The following PRKN variants were observed in gnomAD, a reference collection of about 807,000 sequenced individuals.
PRKN encodes the protein parkin RBR E3 ubiquitin protein ligase, also known as E3 ubiquitin-protein ligase parkin.
In PRKN, 56 loss-of-function variants were observed where a neutral mutation model predicts 59.5. The ratio of observed to expected loss-of-function variants is 0.94; its 90% CI spans 0.76 to 1.18. PRKN has a LOEUF of 1.18. Among genes scored for constraint, PRKN ranks in the 50% most tolerant of loss-of-function variants. The pLI is 0.00. For synonymous variants in PRKN, 250 were observed against 222.1 expected (o/e 1.13, Z -1.12); for missense variants, 657 against 596.4 (o/e 1.10, Z -1.06).
rs964674899 is a variant in PRKN at position 161,538,007 on chromosome 6, T to A, written c.1083+10847A>T. Among the ~76,000 whole-genome samples, 6 of 152,196 alleles carry A rather than the reference T, an allele frequency of 3.9e-5. No homozygotes were observed. The highest frequency in any genetic ancestry group is 4.4e-5 in the Non-Finnish European group (3 of 68,038). Reference sequence around the variant, plus strand: ...CTGGTCAATAACCAACACGGCTTTGTGAAGAAAAATGTGATGTGTGTCAGG... The same window carrying A: ...CTGGTCAATAACCAACACGGCTTTGAGAAGAAAAATGTGATGTGTGTCAGG... On this transcript the variant is annotated intron_variant, in intron 9 of 11. Transcript: ENST00000366898. This position sits in a 1 kb window ranked among gnomAD's most constrained non-coding sequence, Gnocchi z 4.2.
chr6:162,495,864 G>C lies in PRKN; in HGVS notation c.8-52391C>G, dbSNP rs116586783. On this transcript the variant is annotated intron_variant, in intron 1 of 11. Coordinates refer to ENST00000366898, the MANE Select transcript of PRKN (RefSeq NM_004562.3). ...CAGCCTGTGACACAGCCGGTCCGGG[G>C]TCACCAACTCCTGCCCCCTTTCCAT... Among the ~76,000 whole-genome samples the C allele has an allele frequency of 5.1e-3, 779 of 152,210 alleles. 7 individuals are homozygous for C. The highest frequency in any genetic ancestry group is 0.018 in the African/African-American group (746 of 41,542).
rs142138526 is a variant in PRKN, at chr6:162,673,166, T to A, written c.7+54496A>T. 2.9e-3 allele frequency among the ~76,000 whole-genome samples: 444 copies of A among 152,330 alleles called. 3 individuals carry two copies. Among genetic ancestry groups the A allele is most frequent in the African/African-American group, 0.01 (435 of 41,580 alleles). On this transcript the variant is annotated intron_variant, in intron 1 of 11. Transcript: ENST00000366898. ...TTTGAAAAAGAGTTCCCAGAATATTTGCAAATTAATCTGTAAACACTGAAT... is the reference window on the plus strand; with the variant it reads ...TTTGAAAAAGAGTTCCCAGAATATTAGCAAATTAATCTGTAAACACTGAAT...
chr6:162,257,297 T>A (rs1188505864), intron 3 of PRKN, among the ~76,000 whole-genome samples: 2 of 152,184 alleles, frequency 1.3e-5, no homozygotes, highest in Non-Finnish European at 2.9e-5. Context: ...GTGGCCACAG[T>A]TTTTCTTTTT....
At chr6:161,437,136 T>C (rs907786335) in intron 9 of PRKN, among the ~76,000 whole-genome samples, 1 of 152,128 alleles carries the variant, frequency 6.6e-6, no homozygotes, top group Admixed American at 6.5e-5. Flanking sequence ...AAGTAAGACA[T>C]TCACAACAGT....
At chr6:162,349,237 G>A (rs1416413884) in intron 2 of PRKN, among the ~76,000 whole-genome samples, 1 of 152,278 alleles carries the variant, frequency 6.6e-6, no homozygotes, top group African/African-American at 2.4e-5. Context: ...TGAGGCTGAG[G>A]TGGGTGGATC....
At chr6:161,510,347 T>C (rs1158956143) in intron 9 of PRKN, among the ~76,000 whole-genome samples, 1 of 150,920 alleles carries the variant, frequency 6.6e-6, no homozygotes, top group Non-Finnish European at 1.5e-5. Flanking sequence ...CATCGTGAAG[T>C]GTGACTGTCC....
intron 6 of PRKN, among the ~76,000 whole-genome samples, chr6:161,786,891 T>A (rs1562684163): frequency 1.5e-5 from 2 of 134,210 alleles, no homozygotes; most frequent in Admixed American, 1.7e-4. Context: ...ATTTTTTTTA[T>A]CCCTTTAAAA....
chr6:162,203,096 G>T (rs1319714463), intron 3 of PRKN, among the ~76,000 whole-genome samples: 1 of 152,158 alleles, frequency 6.6e-6, no homozygotes, highest in African/African-American at 2.4e-5. Context: ...ATTAAAAGAA[G>T]CATCTCAGAA....
At chr6:162,678,103 G>A (rs1304998084) in intron 1 of PRKN, among the ~76,000 whole-genome samples, 1 of 152,102 alleles carries the variant, frequency 6.6e-6, no homozygotes, top group East Asian at 1.9e-4. Context: ...CAATGATTTT[G>A]AAAATCATTT....
intron 1 of PRKN, among the ~76,000 whole-genome samples, chr6:162,675,071 G>A (rs1258537391): frequency 1.3e-5 from 2 of 151,192 alleles, no homozygotes; most frequent in African/African-American, 2.4e-5. Context: ...TTTATGAAAC[G>A]GAGTCTGGCT....
chr6:162,073,015 C>T (rs561757559), intron 4 of PRKN, among the ~76,000 whole-genome samples: 4 of 152,312 alleles, frequency 2.6e-5, no homozygotes, highest in East Asian at 1.9e-4. Context: ...ATCGATTTAA[C>T]ATCCTCATGC....
rs183375286 is a variant in PRKN, at chr6:161,841,330, A to G, written c.735-55422T>C. Among the ~76,000 whole-genome samples the G allele has an allele frequency of 2.0e-3, 308 of 150,550 alleles. 1 individual carries two copies. The highest frequency in any genetic ancestry group is 0.018 in the Middle Eastern group (5 of 284). On this transcript the variant is annotated intron_variant, in intron 6 of 11. Transcript: ENST00000366898. ...CTTCTGAATCCTCTTCCTATCTGCCATGACTTTTAGGCTTTCTTTTTCCTT... is the reference window on the plus strand; with the variant it reads ...CTTCTGAATCCTCTTCCTATCTGCCGTGACTTTTAGGCTTTCTTTTTCCTT...
chr6:162,023,335 G>T (rs1783285247), intron 5 of PRKN, among the ~76,000 whole-genome samples: 1 of 152,124 alleles, frequency 6.6e-6, no homozygotes, highest in South Asian at 2.1e-4. Context: ...TCTTGCCTTG[G>T]TGTACCAGAA....
chr6:162,088,822 T>A (rs1779358863), intron 4 of PRKN, among the ~76,000 whole-genome samples: 1 of 152,164 alleles, frequency 6.6e-6, no homozygotes, highest in Admixed American at 6.6e-5. Flanking sequence ...ACAAGATGAT[T>A]CAATGGGGAA....
chr6:162,335,570 C>T (rs533157061), intron 2 of PRKN, among the ~76,000 whole-genome samples: 7 of 152,202 alleles, frequency 4.6e-5, no homozygotes, highest in South Asian at 4.1e-4. Flanking sequence ...TAAATCACCA[C>T]CATTTTCTTA....
chr6:161,725,735 C>T (rs1339851874), intron 7 of PRKN, among the ~76,000 whole-genome samples: 2 of 152,166 alleles, frequency 1.3e-5, no homozygotes, highest in African/African-American at 2.4e-5. Context: ...TTAGCTTCCT[C>T]ATCCACAAAA....
intron 7 of PRKN, among the ~76,000 whole-genome samples, chr6:161,724,282 AG>A (rs775881839): frequency 1.3e-5 from 2 of 152,238 alleles, no homozygotes; most frequent in Non-Finnish European, 2.9e-5. Context: ...TTTTGATACA[AG>A]GATATTGCAA....
chr6:161,412,037 CCACT>C (rs1330043983), intron 9 of PRKN, among the ~76,000 whole-genome samples: 179 of 141,770 alleles, frequency 1.3e-3, no homozygotes, highest in African/African-American at 4.5e-3. Context: ...ATTCATTCCT[CCACT>C]CACTCATTCC....
rs1000030075 is a variant in PRKN, at chr6:161,401,940, T to C, written c.1084-15063A>G. Reference sequence around the variant, plus strand: ...CTGGAGCGGAAGCCGTTAATGCTTCTACTTATATTCTTAAGGCCTCTTAAA... The same window carrying C: ...CTGGAGCGGAAGCCGTTAATGCTTCCACTTATATTCTTAAGGCCTCTTAAA... On this transcript the variant is annotated intron_variant, in intron 9 of 11. Coordinates refer to ENST00000366898, the MANE Select transcript of PRKN (RefSeq NM_004562.3). This position sits in a 1 kb window ranked among gnomAD's most constrained non-coding sequence, Gnocchi z 4.4. Among the ~76,000 whole-genome samples the C allele has an allele frequency of 1.3e-5, 2 of 152,232 alleles. No homozygotes were observed. The highest frequency in any genetic ancestry group is 6.5e-5 in the Admixed American group (1 of 15,280).
Sources: gnomAD v4.1 joint callset for allele counts (sites outside exome capture counted in the v4.1 genomes callset) on GRCh38, gnomAD v4.1.1 for gene constraint, Gnocchi (gnomAD v3.1) non-coding constraint, MANE v1.5 for transcripts, NCBI Gene and HGNC (gene_info 2026-07-23, HGNC 2026-07-21) for gene names.